DPP10: variants seen among roughly 807,000 people sequenced by gnomAD.
DPP10 encodes the protein inactive dipeptidyl peptidase 10.
A neutral mutation model predicts 120.9 loss-of-function variants in DPP10; 33 were observed. That is an observed-to-expected ratio of 0.27 (90% CI 0.21 to 0.37). The LOEUF (loss-of-function observed/expected upper bound fraction) is 0.37. DPP10 is among the 10% of genes least tolerant of loss of function. The pLI, the probability that DPP10 is intolerant of heterozygous loss-of-function variation, is 1.00. For missense variants in DPP10, 816 were observed against 942.8 expected (o/e 0.87, Z 1.76); for synonymous variants, 337 against 326.1 (o/e 1.03, Z -0.36).
At chr2:114,484,129 C>T (rs945732865) in intron 1 of DPP10, among the ~76,000 whole-genome samples, 1 of 152,080 alleles carries the variant, frequency 6.6e-6, no homozygotes, top group African/African-American at 2.4e-5. Context: ...CGCTGAACTC[C>T]AATAATGGCA....
chr2:115,816,686 G>C (rs1427897831), intron 21 of DPP10, among the ~76,000 whole-genome samples: 1 of 149,484 alleles, frequency 6.7e-6, no homozygotes, highest in Non-Finnish European at 1.5e-5. Flanking sequence ...GCGCGATCTG[G>C]GCTCACTGCA....
At chr2:114,641,121 T>C (rs2105428749) in intron 1 of DPP10, among the ~76,000 whole-genome samples, 1 of 152,140 alleles carries the variant, frequency 6.6e-6, no homozygotes, top group Non-Finnish European at 1.5e-5. Flanking sequence ...GCTGCTATTA[T>C]TCCCATTTAA....
chr2:115,497,741 T>C lies in DPP10; in HGVS notation c.272-1769T>C, dbSNP rs185616643. Among the ~76,000 whole-genome samples the C allele has an allele frequency of 4.1e-3, 630 of 152,146 alleles. 6 individuals are homozygous for C. Among genetic ancestry groups the C allele is most frequent in the African/African-American group, 0.015 (603 of 41,540 alleles). On this transcript the variant is annotated intron_variant, in intron 3 of 25. Transcript: ENST00000410059. ...TGTTGATTTGAGCAAGCATTAATTG[T>C]GAGCAGGAGGACAGGAGATCAAATC...
At chr2:115,617,936 GTCTCTC>G (rs1216599770) in intron 5 of DPP10, among the ~76,000 whole-genome samples, 1 of 152,036 alleles carries the variant, frequency 6.6e-6, no homozygotes, top group African/African-American at 2.4e-5. Flanking sequence ...TGTCATTGTG[GTCTCTC>G]TCTCTAATTT....
Position 114,816,346 on chromosome 2 carries a change from T to C in DPP10, c.60+373508T>C, listed in dbSNP as rs145948170. Among the ~76,000 whole-genome samples the C allele has an allele frequency of 1.1e-3, 167 of 152,338 alleles. 3 individuals are homozygous for C. The highest frequency in any genetic ancestry group is 3.8e-3 in the African/African-American group (158 of 41,590). On this transcript the variant is annotated intron_variant, in intron 1 of 25. Coordinates refer to ENST00000410059, the MANE Select transcript of DPP10 (RefSeq NM_020868.6). Reference sequence around the variant, plus strand: ...AGAGAAGAAAAGCAGCCATAGGCAATACATAAACAAATGAGCAGGCCTCTG... The same window carrying C: ...AGAGAAGAAAAGCAGCCATAGGCAACACATAAACAAATGAGCAGGCCTCTG...
intron 1 of DPP10, among the ~76,000 whole-genome samples, chr2:115,057,839 A>C (rs539285489): frequency 6.6e-6 from 1 of 152,204 alleles, no homozygotes; most frequent in Non-Finnish European, 1.5e-5. Flanking sequence ...ATGTTGGTCC[A>C]ATATTGCTTG....
At chr2:114,658,439 T>C (rs986652100) in intron 1 of DPP10, among the ~76,000 whole-genome samples, 1 of 152,112 alleles carries the variant, frequency 6.6e-6, no homozygotes, top group Non-Finnish European at 1.5e-5. Context: ...ATGTTAAGTT[T>C]TTATTATAGA....
intron 1 of DPP10, among the ~76,000 whole-genome samples, chr2:114,526,403 A>G (rs550375588): frequency 6.6e-6 from 1 of 152,260 alleles, no homozygotes; most frequent in East Asian, 1.9e-4. Context: ...TTCTCATTTT[A>G]CAATATCTGT....
rs762842408 is a variant in DPP10 at position 115,836,147 on chromosome 2, T to TC, written c.1951-3dup. 71 of 1,456,572 alleles carry TC rather than the reference T, an allele frequency of 4.9e-5. No individual in the cohort carries two copies. In the African/African-American group the frequency reaches 5.0e-4, roughly 10 times the overall value. 90.2% of individuals were successfully genotyped at this position (1,456,572 alleles called of 1,614,324 possible). A position where few individuals can be genotyped will look rare whatever the true frequency, so the allele number is the denominator to read the frequency against. ...ATATATATATATATATATATATTTT[T>TC]CCCCCCCAGGGTTATGGTGGCTATA... On this transcript the variant is annotated splice_polypyrimidine_tract_variant and intron_variant, in intron 21 of 25. Coordinates refer to ENST00000410059, the MANE Select transcript of DPP10 (RefSeq NM_020868.6).
chr2:115,092,716 A>G (rs940055081), intron 1 of DPP10, among the ~76,000 whole-genome samples: 2 of 152,194 alleles, frequency 1.3e-5, no homozygotes, highest in African/African-American at 2.4e-5. Context: ...CTAAACCTCA[A>G]TATTGTCTTC....
At chr2:114,553,999 C>T (rs1431803433) in intron 1 of DPP10, among the ~76,000 whole-genome samples, 1 of 152,078 alleles carries the variant, frequency 6.6e-6, no homozygotes, top group African/African-American at 2.4e-5. Flanking sequence ...TTCCAATGTA[C>T]TAGGAAGAAA....
chr2:114,536,764 A>G (rs1219531552), intron 1 of DPP10, among the ~76,000 whole-genome samples: 1 of 151,982 alleles, frequency 6.6e-6, no homozygotes, highest in African/African-American at 2.4e-5. Flanking sequence ...ATGTCATTTT[A>G]ATCATTATTT....
intron 1 of DPP10, among the ~76,000 whole-genome samples, chr2:114,515,338 T>A (rs1684506684): frequency 6.6e-6 from 1 of 152,214 alleles, no homozygotes; most frequent in African/African-American, 2.4e-5. Context: ...AGAATCTCTC[T>A]GCAGCTCGTT....
intron 3 of DPP10, among the ~76,000 whole-genome samples, chr2:115,387,621 T>C (rs948519432): frequency 6.6e-6 from 1 of 152,238 alleles, no homozygotes; most frequent in Non-Finnish European, 1.5e-5. Flanking sequence ...ATGCAATTGG[T>C]ACATTCTTAT....
chr2:115,405,390 A>G (rs759645690), intron 3 of DPP10, among the ~76,000 whole-genome samples: 2 of 152,274 alleles, frequency 1.3e-5, no homozygotes, highest in African/African-American at 2.4e-5. Flanking sequence ...CCCACCTCCA[A>G]GACTTTGCTG....
chr2:115,184,311 A>G (rs544642289), intron 1 of DPP10, among the ~76,000 whole-genome samples: 2 of 152,322 alleles, frequency 1.3e-5, no homozygotes, highest in South Asian at 4.1e-4. Context: ...TTGCTGCCTG[A>G]TGAAGATGAT....
chr2:115,045,426 A>G (rs1704989049), intron 1 of DPP10, among the ~76,000 whole-genome samples: 1 of 152,182 alleles, frequency 6.6e-6, no homozygotes, highest in South Asian at 2.1e-4. Flanking sequence ...AGCGTTCTAT[A>G]AATTTCCTGT....
chr2:114,484,970 G>A (rs13416101), intron 1 of DPP10, among the ~76,000 whole-genome samples: 2,937 of 150,512 alleles, frequency 0.02, 98 homozygotes, highest in African/African-American at 0.068. Flanking sequence ...GGGTTTCAAA[G>A]GTTAAAAAAT....
At chr2:115,552,957 G>A (rs912551578) in intron 5 of DPP10, among the ~76,000 whole-genome samples, 4 of 152,006 alleles carry the variant, frequency 2.6e-5, no homozygotes, top group Non-Finnish European at 4.4e-5. Flanking sequence ...GAGGTCTTAA[G>A]TTTGAAACTA....
Sources: allele counts gnomAD v4.1 joint callset (sites outside exome capture counted in the v4.1 genomes callset), GRCh38; gene constraint gnomAD v4.1.1; transcripts MANE v1.5; gene names NCBI Gene and HGNC (gene_info 2026-07-23, HGNC 2026-07-21).